The following WNK2 variants were observed in gnomAD, a reference collection of about 807,000 sequenced individuals.
WNK2 encodes serine/threonine-protein kinase WNK2.
A neutral mutation model predicts 192.1 loss-of-function variants in WNK2; 67 were observed. The ratio of observed to expected loss-of-function variants is 0.35; its 90% CI spans 0.29 to 0.43. WNK2 has a LOEUF of 0.43. Ranked by LOEUF, WNK2 falls within the 20% of genes least tolerant of loss-of-function variation. The probability of loss-of-function intolerance (pLI) is 1.00; values close to 1 mark genes in which losing one functional copy is unlikely to be tolerated. For synonymous variants in WNK2, 1,439 were observed against 1,393.9 expected, an observed-to-expected ratio of 1.03 and a Z score of -0.72; for missense variants, 2,698 against 3,089.7, an observed-to-expected ratio of 0.87 and a Z score of 3.01.
intron 18 of WNK2, 148 bp from the exon 19 acceptor site, chr9:93,268,479 C>T (rs868495679): frequency 7.8e-7 from 1 of 1,274,992 alleles, no homozygotes; most frequent in African/African-American, 1.5e-5. Flanking sequence ...GAACAGTGTT[C>T]TCTGCCCACA....
chr9:93,206,477 C>T (rs1833407526), intron 2 of WNK2, among the ~76,000 whole-genome samples: 1 of 152,166 alleles, frequency 6.6e-6, no homozygotes, highest in South Asian at 2.1e-4. Flanking sequence ...ACGTGGCTTG[C>T]CCCACCTTAG....
rs776366355 is a variant in WNK2 at position 93,185,623 on chromosome 9, C to T, written c.681+13C>T. The T allele has an allele frequency of 1.2e-6, 2 of 1,603,132 alleles. No individual in the cohort carries two copies. The highest frequency in any genetic ancestry group is 1.7e-4 in the Middle Eastern group (1 of 5,918). On this transcript the variant is annotated intron_variant, in intron 2 of 29. Coordinates refer to ENST00000427277, the MANE Select transcript of WNK2 (RefSeq NM_006648.4). ...GTGTGAGCTGCAGGTGAGGGTGCCC[C>T]AGCCCGCAGGGGGCTTTCCGCAGGG...
Position 93,259,392 on chromosome 9 carries a change from C to T in WNK2, c.2844C>T (p.Pro948=). 1 of 1,604,434 alleles carries T rather than the reference C, an allele frequency of 6.2e-7. No homozygotes were observed. The highest frequency in any genetic ancestry group is 8.5e-7 in the Non-Finnish European group (1 of 1,174,942). The part of the protein sequence containing the change: ...TPPQPALPPQ[P]TLPPQPVLPP... Reference sequence around the variant, plus strand: ...CACAGCCGGCACTGCCTCCACAACCCACACTGCCCCCACAACCCGTGCTGC... The same window carrying T: ...CACAGCCGGCACTGCCTCCACAACCTACACTGCCCCCACAACCCGTGCTGC... The change falls in exon 12 of 30, where the codon CCC becomes CCT. Residue 948 remains proline, a synonymous_variant. Transcript: ENST00000427277. The surrounding 1 kb of genome is among the most constrained non-coding windows in gnomAD (Gnocchi z 4.8).
intron 2 of WNK2, among the ~76,000 whole-genome samples, chr9:93,214,709 C>CCCT (rs1835419711): frequency 8.7e-6 from 1 of 114,744 alleles, no homozygotes; most frequent in Non-Finnish European, 1.8e-5. Context: ...CCCCCCCCCC[C>CCCT]CCGCCCTCTC....
intron 28 of WNK2, chr9:93,317,263 A>G (rs1302679236): frequency 1.7e-6 from 1 of 575,500 alleles, no homozygotes; most frequent in Non-Finnish European, 3.1e-6. Flanking sequence ...TCCAAGTCCC[A>G]TTTTGGCTGG....
chr9:93,252,636 G>A (rs1284117132), intron 8 of WNK2, among the ~76,000 whole-genome samples: 2 of 152,222 alleles, frequency 1.3e-5, no homozygotes, highest in Non-Finnish European at 2.9e-5. Flanking sequence ...CTTGTGGGAG[G>A]ATTGGCACGA....
chr9:93,289,137 G>A lies in WNK2; in HGVS notation c.4383G>A (p.Glu1461=). 1 of 1,601,936 alleles carries A rather than the reference G, an allele frequency of 6.2e-7. No homozygotes were observed. Among genetic ancestry groups the A allele is most frequent in the South Asian group, 1.1e-5 (1 of 90,288 alleles). The change falls in exon 20 of 30, where the codon GAG becomes GAA. Residue 1461 remains glutamate (E), a synonymous_variant. Coordinates refer to ENST00000427277, the MANE Select transcript of WNK2 (RefSeq NM_006648.4). Reference sequence around the variant, plus strand: ...TAGCACCTTGCACTCCAGCTCCAGAGGCTGCCTCAACCAGGGACGCCAGTG... The same window carrying A: ...TAGCACCTTGCACTCCAGCTCCAGAAGCTGCCTCAACCAGGGACGCCAGTG... ...VGLAPCTPAP[E]AASTRDASAP...
intron 19 of WNK2, among the ~76,000 whole-genome samples, chr9:93,274,374 TG>T (rs1260560484): frequency 6.6e-6 from 1 of 151,930 alleles, no homozygotes; most frequent in Non-Finnish European, 1.5e-5. Context: ...TAGCTGGGCA[TG>T]GTGGCGGGTG....
At chr9:93,220,683 G>A (rs1398404451) in intron 2 of WNK2, among the ~76,000 whole-genome samples, 1 of 152,228 alleles carries the variant, frequency 6.6e-6, no homozygotes, top group Non-Finnish European at 1.5e-5. Context: ...TGAGGTTCCT[G>A]TTGGAAGGAA....
intron 2 of WNK2, among the ~76,000 whole-genome samples, chr9:93,227,478 C>T (rs1228626467): frequency 6.6e-6 from 1 of 151,850 alleles, no homozygotes; most frequent in African/African-American, 2.4e-5. Context: ...TCTTTGTTGG[C>T]ATTTTCCCAG....
chr9:93,268,703 G>GC lies in WNK2; in HGVS notation c.3995dup (p.Leu1333ThrfsTer18). On this transcript the variant is annotated frameshift_variant, in exon 19 of 30. Coordinates refer to ENST00000427277, the MANE Select transcript of WNK2 (RefSeq NM_006648.4). LOFTEE classifies it high-confidence loss of function. Reference sequence around the variant, plus strand: ...CCGCCCCCGAGGCCCCTGAATCTTCGCCCCCACTTCCTCTAAGCTCCCTGC... The same window carrying GC: ...CCGCCCCCGAGGCCCCTGAATCTTCGCCCCCCACTTCCTCTAAGCTCCCTGC... 6.2e-7 allele frequency: 1 copy of GC among 1,613,192 alleles called. No homozygotes were observed. Among genetic ancestry groups the GC allele is most frequent in the Non-Finnish European group, 8.5e-7 (1 of 1,179,770 alleles).
At position 93,229,593 on chromosome 9, in the gene WNK2, G is replaced by T; in HGVS notation, c.682-103G>T. The T allele has an allele frequency of 7.5e-7, 1 of 1,336,598 alleles. No homozygotes were observed. The highest frequency in any genetic ancestry group is 1.0e-6 in the Non-Finnish European group (1 of 985,042). 82.8% of individuals were successfully genotyped at this position (1,336,598 alleles called of 1,614,324 possible). On this transcript the variant is annotated intron_variant, in intron 2 of 29. Transcript: ENST00000427277. The surrounding 1 kb of genome is among the most constrained non-coding windows in gnomAD (Gnocchi z 4.9). ...TAGCCGCTTAGCTGCCTGTGGGTAT[G>T]GGAAGGGCTGGTCCTACTGTGTGGC...
Position 93,256,446 on chromosome 9 carries a change from G to A in WNK2, c.2182G>A (p.Gly728Ser), listed in dbSNP as rs1404302479. ...PTGPGQPAPP[G>S]QQPPPLAQPT... ...GGGCCCAGGCCAGCCAGCACCCCCC[G>A]GCCAGCAGGTGAGTGTGGCACCTCC... The change falls in exon 10 of 30, where the codon GGC becomes AGC. Residue 728 changes from glycine (G) to serine (S), a missense_variant. This residue lies in a region of WNK2 where 893 missense variants were observed against 909.0 expected (regional missense o/e 0.98). Transcript: ENST00000427277. 7 of 1,525,792 alleles carry A rather than the reference G, an allele frequency of 4.6e-6. No homozygotes were observed. The highest frequency in any genetic ancestry group is 1.2e-5 in the South Asian group (1 of 82,486). 94.5% of individuals were successfully genotyped at this position (1,525,792 alleles called of 1,614,324 possible).
intron 7 of WNK2, among the ~76,000 whole-genome samples, chr9:93,243,316 A>G (rs1373985876): frequency 1.3e-5 from 2 of 152,098 alleles, no homozygotes; most frequent in Admixed American, 6.5e-5. Flanking sequence ...GCCCTCCTGC[A>G]GGGTCATTGT....
intron 25 of WNK2, 123 bp from the exon 26 acceptor site, chr9:93,299,928 G>A (rs1236735861): frequency 2.0e-5 from 15 of 748,212 alleles, no homozygotes; most frequent in Non-Finnish European, 3.4e-5. Flanking sequence ...TCCGGGCTGG[G>A]CTAGATGGAG....
intron 19 of WNK2, among the ~76,000 whole-genome samples, chr9:93,287,643 A>T (rs1003426163): frequency 6.6e-6 from 1 of 152,086 alleles, no homozygotes; most frequent in African/African-American, 2.4e-5. Context: ...CAGGCAGGGG[A>T]TGGGGACCAA....
intron 2 of WNK2, among the ~76,000 whole-genome samples, chr9:93,218,516 T>G (rs2131722179): frequency 6.6e-6 from 1 of 152,268 alleles, no homozygotes; most frequent in East Asian, 1.9e-4. Flanking sequence ...AAAGTTTTTG[T>G]GGTGGGATGG....
At chr9:93,201,338 A>G (rs1832315454) in intron 2 of WNK2, among the ~76,000 whole-genome samples, 1 of 152,142 alleles carries the variant, frequency 6.6e-6, no homozygotes, top group Non-Finnish European at 1.5e-5. Context: ...GGGAGTGGGG[A>G]TGGGTCCAGG....
intron 23 of WNK2, among the ~76,000 whole-genome samples, chr9:93,293,472 A>G (rs1429367487): frequency 6.6e-6 from 1 of 152,036 alleles, no homozygotes; most frequent in Non-Finnish European, 1.5e-5. Context: ...GGTGCCTGCC[A>G]CCACGCCCGG....
Sources: allele counts gnomAD v4.1 joint callset (sites outside exome capture counted in the v4.1 genomes callset), GRCh38; gene constraint gnomAD v4.1.1; regional missense constraint gnomAD v4.1.1; non-coding constraint Gnocchi (gnomAD v3.1); transcripts MANE v1.5; gene names NCBI Gene and HGNC (gene_info 2026-07-23, HGNC 2026-07-21).